Variants in TEPSIN observed in about 807,000 individuals in gnomAD.
The protein encoded by TEPSIN is TEPSIN adaptor related protein complex 4 accessory protein, also known as AP-4 complex accessory subunit tepsin.
In TEPSIN, 50 loss-of-function variants were observed where a neutral mutation model predicts 48.5. The ratio of observed to expected loss-of-function variants is 1.03; its 90% CI spans 0.82 to 1.31. TEPSIN has a LOEUF of 1.31. TEPSIN is among the 50% of genes most tolerant of loss of function. The pLI is 0.00. For missense variants in TEPSIN, 838 were observed against 815.9 expected (o/e 1.03, Z -0.33); for synonymous variants, 392 against 358.8 (o/e 1.09, Z -1.05).
chr17:81,229,255 G>A lies in TEPSIN; in HGVS notation c.1455C>T (p.Thr485=). The A allele has an allele frequency of 1.3e-6, 2 of 1,575,194 alleles. No individual in the cohort carries two copies. Among genetic ancestry groups the A allele is most frequent in the Non-Finnish European group, 1.7e-6 (2 of 1,161,008 alleles). The change falls in exon 13 of 13, where the codon ACC becomes ACT. Residue 485 remains threonine, a synonymous_variant. Transcript: ENST00000637944. ...SSGMPSSPVP[T]PPPDASPIPA... ...GAATGGGGGAGGCATCTGGGGGTGG[G>A]GTGGGCACAGGGCTGGACGGCATCC...
At position 81,228,866 on chromosome 17, in the gene TEPSIN, A is replaced by G; in HGVS notation, c.*62T>C. 1 of 1,593,764 alleles carries G rather than the reference A, an allele frequency of 6.3e-7. No individual in the cohort carries two copies. The highest frequency in any genetic ancestry group is 1.1e-5 in the South Asian group (1 of 88,838). ...GTAGCAGCTACGGTTGAGGCTGCTC[A>G]GGAAGCACAGACCGCCCCAGACAGC... is the stretch of plus-strand genomic sequence containing the variant. On this transcript the variant is annotated 3_prime_UTR_variant, in exon 13 of 13. Coordinates refer to ENST00000637944, the MANE Select transcript of TEPSIN (RefSeq NM_001363764.2).
In TEPSIN at chr17:81,233,151, T is replaced by G. The variant is rs1023837293; in HGVS notation, c.526+281A>C. The G allele has an allele frequency of 1.9e-5, 10 of 528,262 alleles. No individual in the cohort carries two copies. Among genetic ancestry groups the G allele is most frequent in the African/African-American group, 1.6e-4 (8 of 51,060 alleles). The allele number at this position is 528,262 out of a possible 1,614,324, so 32.7% of individuals were successfully genotyped here. On this transcript the variant is annotated intron_variant, in intron 7 of 12. Coordinates refer to ENST00000637944, the MANE Select transcript of TEPSIN (RefSeq NM_001363764.2). The surrounding 1 kb of genome is among the most constrained non-coding windows in gnomAD (Gnocchi z 5.8). ...AGCCAGGGGCACAGCCCTCGGCCCC[T>G]CTCAGAGTGGGACTCACCCCTGCCA...
In TEPSIN at chr17:81,230,520, CGT is replaced by C. The variant is rs750064432; in HGVS notation, c.1233+22_1233+23del. On this transcript the variant is annotated intron_variant, in intron 12 of 12. Coordinates refer to ENST00000637944, the MANE Select transcript of TEPSIN (RefSeq NM_001363764.2). The surrounding 1 kb of genome is among the most constrained non-coding windows in gnomAD (Gnocchi z 4.2). ...CACTGTACCCTTGGACCCCGGTGTG[CGT>C]GTGGCCTCCGCAGCTGCCCACCTTG... 1 of 1,609,100 alleles carries C rather than the reference CGT, an allele frequency of 6.2e-7. No homozygotes were observed. Among genetic ancestry groups the C allele is most frequent in the Non-Finnish European group, 8.5e-7 (1 of 1,178,826 alleles).
intron 12 of TEPSIN, chr17:81,229,710 C>T (rs117466982): frequency 0.016 from 8,994 of 566,332 alleles, 163 homozygotes; most frequent in South Asian, 0.051. Context: ...ATACACACCT[C>T]GAATCTTGCT....
At chr17:81,229,510 A>G in intron 12 of TEPSIN, 34 bp from the exon 13 acceptor site, 3 of 1,544,118 alleles carry the variant, frequency 1.9e-6, no homozygotes, top group East Asian at 2.4e-5. Context: ...GGAGGTTCCT[A>G]TGCAACCCTG....
At chr17:81,232,573 T>C (rs1250108313) in intron 7 of TEPSIN, 55 bp from the exon 8 acceptor site, 2 of 1,475,390 alleles carry the variant, frequency 1.4e-6, no homozygotes, top group African/African-American at 2.8e-5. Flanking sequence ...CCCACCCGCG[T>C]TCTCTGGGAG....
chr17:81,231,948 G>A lies in TEPSIN; in HGVS notation c.804C>T (p.Ser268=). ...CCCTGCTCAGGTCGCTGTTCTGGGA[G>A]GAATTCTGAGAGCTGGGGCCGCTGT... is the stretch of plus-strand genomic sequence containing the variant. The part of the protein sequence containing the change: ...ELDSGPSSQN[S]SQNSDLSRVS... Residue 268 remains serine, a synonymous_variant, in exon 9 of 13, where the codon TCC becomes TCT. Transcript: ENST00000637944. 2 of 1,613,548 alleles carry A rather than the reference G, an allele frequency of 1.2e-6. No individual in the cohort carries two copies. The highest frequency in any genetic ancestry group is 8.5e-7 in the Non-Finnish European group (1 of 1,179,994).
Position 81,228,884 on chromosome 17 carries a change from C to T in TEPSIN, c.*44G>A. 6.2e-7 allele frequency: 1 copy of T among 1,607,496 alleles called. No individual in the cohort carries two copies. Among genetic ancestry groups the T allele is most frequent in the Non-Finnish European group, 8.5e-7 (1 of 1,178,096 alleles). On this transcript the variant is annotated 3_prime_UTR_variant, in exon 13 of 13. Transcript: ENST00000637944. Reference sequence around the variant, plus strand: ...GCTGCTCAGGAAGCACAGACCGCCCCAGACAGCAGCTGAAGCTGAAGACTC... The same window carrying T: ...GCTGCTCAGGAAGCACAGACCGCCCTAGACAGCAGCTGAAGCTGAAGACTC...
At position 81,237,160 on chromosome 17, in the gene TEPSIN, G is replaced by A. The variant is rs1175694958; in HGVS notation, c.122-89C>T. The A allele has an allele frequency of 8.0e-6, 11 of 1,383,012 alleles. 1 individual carries two copies. The highest frequency in any genetic ancestry group is 7.6e-5 in the South Asian group (6 of 78,740). The allele number at this position is 1,383,012 out of a possible 1,614,324, so 85.7% of individuals were successfully genotyped here. On this transcript the variant is annotated intron_variant, in intron 2 of 12. Coordinates refer to ENST00000637944, the MANE Select transcript of TEPSIN (RefSeq NM_001363764.2). ...CAGGCCATGGGGCCTCTCAGTTCAC[G>A]CTCCCTGGAGGCGCCTACTGGAGGC...
chr17:81,235,713 G>A (rs2062708510), intron 4 of TEPSIN, among the ~76,000 whole-genome samples: 1 of 152,196 alleles, frequency 6.6e-6, no homozygotes, highest in African/African-American at 2.4e-5. Flanking sequence ...GAATGGTGAG[G>A]ATAAATGGCT....
At position 81,229,249 on chromosome 17, in the gene TEPSIN, G is replaced by A. The variant is rs1567898689; in HGVS notation, c.1461C>T (p.Pro487=). 3 of 1,580,142 alleles carry A rather than the reference G, an allele frequency of 1.9e-6. No individual in the cohort carries two copies. The highest frequency in any genetic ancestry group is 1.1e-5 in the South Asian group (1 of 87,058). Residue 487 remains proline, a synonymous_variant, in exon 13 of 13, where the codon CCC becomes CCT. Transcript: ENST00000637944. ...GGGCTGGAATGGGGGAGGCATCTGG[G>A]GGTGGGGTGGGCACAGGGCTGGACG... ...GMPSSPVPTP[P]PDASPIPAPG... is the part of the protein sequence containing the mutation.
At chr17:81,231,112 C>T (rs1419527168) in intron 11 of TEPSIN, 2 of 551,820 alleles carry the variant, frequency 3.6e-6, no homozygotes, top group Non-Finnish European at 6.4e-6. Context: ...TACACAACCA[C>T]ACACATGCAG....
rs376659525 is a variant in TEPSIN, at chr17:81,233,992, C to T, written c.364G>A (p.Ala122Thr). 34 of 1,599,892 alleles carry T rather than the reference C, an allele frequency of 2.1e-5. No individual in the cohort carries two copies. The Admixed American group carries it at 2.3e-4, about 11-fold the overall frequency. Residue 122 changes from alanine to threonine, a missense_variant, in exon 5 of 13, where the codon GCG becomes ACG. By Grantham distance (58) the Ala-to-Thr change is moderately conservative. Coordinates refer to ENST00000637944, the MANE Select transcript of TEPSIN (RefSeq NM_001363764.2). The surrounding 1 kb of genome is among the most constrained non-coding windows in gnomAD (Gnocchi z 5.8). Reference protein sequence around the residue: ...HGNSLYQKVRAAAQDLGSTLF... With the variant: ...HGNSLYQKVRTAAQDLGSTLF... Reference sequence around the variant, plus strand: ...GCTCCTGGGCTCACCTGCGCGGCCGCGCGAACCTTCTGGTACAAGCTGTTC... The same window carrying T: ...GCTCCTGGGCTCACCTGCGCGGCCGTGCGAACCTTCTGGTACAAGCTGTTC...
Position 81,230,749 on chromosome 17 carries a change from A to C in TEPSIN, c.1099-71T>G, listed in dbSNP as rs559603508. 1 of 1,448,624 alleles carries C rather than the reference A, an allele frequency of 6.9e-7. No individual in the cohort carries two copies. Among genetic ancestry groups the C allele is most frequent in the East Asian group, 2.5e-5 (1 of 39,476 alleles). 89.7% of individuals were successfully genotyped at this position (1,448,624 alleles called of 1,614,324 possible). ...CCACGCCAGGGAGGCCTATTTGGCCATCTCTCTCCCTCTTCTTCCTCCTCA... is the reference window on the plus strand; with the variant it reads ...CCACGCCAGGGAGGCCTATTTGGCCCTCTCTCTCCCTCTTCTTCCTCCTCA... On this transcript the variant is annotated intron_variant, in intron 11 of 12. Coordinates refer to ENST00000637944, the MANE Select transcript of TEPSIN (RefSeq NM_001363764.2). This position sits in a 1 kb window ranked among gnomAD's most constrained non-coding sequence, Gnocchi z 4.2.
At position 81,231,052 on chromosome 17, in the gene TEPSIN, C is replaced by T. The variant is rs535310628; in HGVS notation, c.1098+346G>A. 5.5e-5 allele frequency: 28 copies of T among 507,090 alleles called. No homozygotes were observed. The East Asian group carries it at 6.6e-4, about 12-fold the overall frequency. 31.4% of individuals were successfully genotyped at this position (507,090 alleles called of 1,614,324 possible). Reference sequence around the variant, plus strand: ...CTCCGCACGCCCCCCGACACACGCACACACGTGTCCACACTTTCATGTGCA... The same window carrying T: ...CTCCGCACGCCCCCCGACACACGCATACACGTGTCCACACTTTCATGTGCA... On this transcript the variant is annotated intron_variant, in intron 11 of 12. Coordinates refer to ENST00000637944, the MANE Select transcript of TEPSIN (RefSeq NM_001363764.2).
Position 81,233,846 on chromosome 17 carries a change from T to G in TEPSIN, c.376-130A>C, listed in dbSNP as rs1243123992. The stretch of plus-strand genomic sequence containing the variant: ...GCCACTCAGCTGGACACAGGCTCTG[T>G]GTCCACCAGCAAGGAGCAGAGGCAG... On this transcript the variant is annotated intron_variant, in intron 5 of 12. Transcript: ENST00000637944. The surrounding 1 kb of genome is among the most constrained non-coding windows in gnomAD (Gnocchi z 5.8). 1 of 1,364,766 alleles carries G rather than the reference T, an allele frequency of 7.3e-7. No homozygotes were observed. Among genetic ancestry groups the G allele is most frequent in the African/African-American group, 1.5e-5 (1 of 68,226 alleles). 84.5% of individuals were successfully genotyped at this position (1,364,766 alleles called of 1,614,324 possible).
chr17:81,235,031 A>C (rs1598358695), intron 4 of TEPSIN, among the ~76,000 whole-genome samples: 1 of 152,078 alleles, frequency 6.6e-6, no homozygotes, highest in South Asian at 2.1e-4. Flanking sequence ...CCCCAAGATA[A>C]CCCTTCTCCA....
Position 81,237,613 on chromosome 17 carries a change from C to A in TEPSIN, c.49-154G>T, listed in dbSNP as rs577639993. 5.2e-6 allele frequency: 4 copies of A among 774,898 alleles called. No individual in the cohort carries two copies. The African/African-American group carries it at 5.3e-5, about 10-fold the overall frequency. 48.0% of individuals were successfully genotyped at this position (774,898 alleles called of 1,614,324 possible). A position where few individuals can be genotyped will look rare whatever the true frequency, so the allele number is the denominator to read the frequency against. On this transcript the variant is annotated intron_variant, in intron 1 of 12. Coordinates refer to ENST00000637944, the MANE Select transcript of TEPSIN (RefSeq NM_001363764.2). ...GGGATGAGAACTGTGCTACTGGCCACAGGGAGGCTGCAGCAGGGTCCTCTC... is the reference window on the plus strand; with the variant it reads ...GGGATGAGAACTGTGCTACTGGCCAAAGGGAGGCTGCAGCAGGGTCCTCTC...
Position 81,233,591 on chromosome 17 carries a change from G to A in TEPSIN, c.454+47C>T. 1 of 1,572,556 alleles carries A rather than the reference G, an allele frequency of 6.4e-7. No individual in the cohort carries two copies. The highest frequency in any genetic ancestry group is 8.6e-7 in the Non-Finnish European group (1 of 1,158,006). On this transcript the variant is annotated intron_variant, in intron 6 of 12. Transcript: ENST00000637944. This position sits in a 1 kb window ranked among gnomAD's most constrained non-coding sequence, Gnocchi z 5.8. ...ACAGACACCCAGGACACTCAAGGAG[G>A]CAGAAACCAGGTGCCAGAGCTGGAC...
Sources: allele counts gnomAD v4.1 joint callset (sites outside exome capture counted in the v4.1 genomes callset), GRCh38; gene constraint gnomAD v4.1.1; non-coding constraint Gnocchi (gnomAD v3.1); transcripts MANE v1.5; gene names NCBI Gene and HGNC (gene_info 2026-07-23, HGNC 2026-07-21).